NEURL1: variants seen among roughly 807,000 people sequenced by gnomAD.
NEURL1 encodes neuralized E3 ubiquitin protein ligase 1.
NEURL1 carries 26 observed loss-of-function variants against 41.2 expected under a neutral mutation model. The observed-to-expected ratio is 0.63, with a 90% CI of 0.46 to 0.87. The LOEUF (loss-of-function observed/expected upper bound fraction) is 0.87. NEURL1 is among the 40% of genes least tolerant of loss of function. NEURL1 has a pLI of 0.00. For synonymous variants in NEURL1, 400 were observed against 402.3 expected (o/e 0.99, Z 0.07); for missense variants, 761 against 871.1 (o/e 0.87, Z 1.59).
intron 1 of NEURL1, among the ~76,000 whole-genome samples, chr10:103,534,351 C>T (rs530167349): frequency 6.6e-6 from 1 of 152,286 alleles, no homozygotes; most frequent in South Asian, 2.1e-4. Context: ...CACATCCTCA[C>T]ATTGATGTCT....
rs577341103 is a variant in NEURL1 at position 103,533,092 on chromosome 10, A to AT, written c.86-37772dup. 3.0e-4 allele frequency among the ~76,000 whole-genome samples: 45 copies of AT among 150,128 alleles called. No homozygotes were observed. In the East Asian group the frequency reaches 3.8e-3, roughly 13 times the overall value. On this transcript the variant is annotated intron_variant, in intron 1 of 5. Coordinates refer to ENST00000369780, the MANE Select transcript of NEURL1 (RefSeq NM_004210.5). ...CAGGCACCCACCACCATGCCTGGCT[A>AT]TTTTTTTTGTATTTTTAGTAGAGAC...
chr10:103,548,193 C>T (rs1253304610), intron 1 of NEURL1, among the ~76,000 whole-genome samples: 1 of 152,214 alleles, frequency 6.6e-6, no homozygotes, highest in Non-Finnish European at 1.5e-5. Flanking sequence ...TCTGAAATGG[C>T]ATTTGCATGT....
chr10:103,590,021 A>G lies in NEURL1; in HGVS notation c.1487-113A>G, dbSNP rs559363095. The stretch of plus-strand genomic sequence containing the variant: ...TGGAAGTTGGGTTGTCAGGGTGAAC[A>G]GGCAGATCCTGATAAATGGAGGGGG... On this transcript the variant is annotated intron_variant, in intron 5 of 5. Transcript: ENST00000369780. 1,586 of 1,089,514 alleles carry G rather than the reference A, an allele frequency of 1.5e-3. 5 individuals are homozygous for G. The highest frequency in any genetic ancestry group is 1.9e-3 in the Non-Finnish European group (1,420 of 735,776). 67.5% of individuals were successfully genotyped at this position (1,089,514 alleles called of 1,614,324 possible).
intron 1 of NEURL1, among the ~76,000 whole-genome samples, chr10:103,528,003 T>A (rs940245739): frequency 6.6e-6 from 1 of 152,144 alleles, no homozygotes; most frequent in African/African-American, 2.4e-5. Flanking sequence ...ACCAATCATC[T>A]CAGGTCAGGA....
intron 1 of NEURL1, among the ~76,000 whole-genome samples, chr10:103,525,031 G>A (rs1034691687): frequency 6.6e-6 from 1 of 152,088 alleles, no homozygotes; most frequent in Non-Finnish European, 1.5e-5. Flanking sequence ...GGGTGGTATG[G>A]TAATGTTCAC....
intron 1 of NEURL1, among the ~76,000 whole-genome samples, chr10:103,526,064 G>A (rs146680058): frequency 6.6e-6 from 1 of 152,232 alleles, no homozygotes; most frequent in African/African-American, 2.4e-5. Flanking sequence ...ACTTGTGTAT[G>A]TTGTATCCCT....
rs1766041109 is a variant in NEURL1, at chr10:103,566,691, A to G, written c.86-4181A>G. 1.3e-5 allele frequency among the ~76,000 whole-genome samples: 2 copies of G among 152,118 alleles called. No individual in the cohort carries two copies. Among genetic ancestry groups the G allele is most frequent in the African/African-American group, 2.4e-5 (1 of 41,390 alleles). On this transcript the variant is annotated intron_variant, in intron 1 of 5. Transcript: ENST00000369780. This position sits in a 1 kb window ranked among gnomAD's most constrained non-coding sequence, Gnocchi z 4.2. ...CAGGTCATTGTGTGGACATGTTTTCATTTCTTGTGGGGAAATGCCTGGAAG... is the reference window on the plus strand; with the variant it reads ...CAGGTCATTGTGTGGACATGTTTTCGTTTCTTGTGGGGAAATGCCTGGAAG...
intron 1 of NEURL1, among the ~76,000 whole-genome samples, chr10:103,525,102 A>AT (rs1222266060): frequency 1.3e-5 from 2 of 151,718 alleles, no homozygotes; most frequent in African/African-American, 4.8e-5. Flanking sequence ...GTCCTCTTCA[A>AT]TTTTTTTCAT....
intron 1 of NEURL1, among the ~76,000 whole-genome samples, chr10:103,535,714 G>C (rs1348311483): frequency 1.3e-5 from 2 of 152,134 alleles, no homozygotes; most frequent in Admixed American, 1.3e-4. Flanking sequence ...TGGCCCAAGG[G>C]GGCAGAAGGA....
chr10:103,499,699 A>C (rs2033775416), intron 1 of NEURL1, among the ~76,000 whole-genome samples: 1 of 151,620 alleles, frequency 6.6e-6, no homozygotes. Flanking sequence ...GAACTCCTGG[A>C]CTCAAGCAGA....
intron 3 of NEURL1, among the ~76,000 whole-genome samples, chr10:103,573,370 C>T (rs12360357): frequency 0.17 from 25,771 of 152,044 alleles, 2,517 homozygotes; most frequent in South Asian, 0.26. Context: ...ATCCTAGCCT[C>T]ACGCTGTACT....
rs2035859232 is a variant in NEURL1 at position 103,584,648 on chromosome 10, C to T, written c.762C>T (p.Asp254=). 3.5e-6 allele frequency: 5 copies of T among 1,427,808 alleles called. No homozygotes were observed. Among genetic ancestry groups the T allele is most frequent in the Middle Eastern group, 1.9e-4 (1 of 5,352 alleles). 88.4% of individuals were successfully genotyped at this position (1,427,808 alleles called of 1,614,324 possible). A position where few individuals can be genotyped will look rare whatever the true frequency, so the allele number is the denominator to read the frequency against. Reference sequence around the variant, plus strand: ...CGCGCCTCTCGGTGAGCCTATGCGACCTCAACGTGCCGGGCGCGGACGGCG... The same window carrying T: ...CGCGCCTCTCGGTGAGCCTATGCGATCTCAACGTGCCGGGCGCGGACGGCG... The part of the protein sequence containing the change: ...DDARLSVSLC[D]LNVPGADGDE... The change falls in exon 4 of 6, where the codon GAC becomes GAT. Residue 254 remains aspartate, a synonymous_variant. Coordinates refer to ENST00000369780, the MANE Select transcript of NEURL1 (RefSeq NM_004210.5).
intron 1 of NEURL1, among the ~76,000 whole-genome samples, chr10:103,559,929 A>G (rs544974228): frequency 6.7e-6 from 1 of 150,014 alleles, no homozygotes; most frequent in Admixed American, 6.6e-5. Context: ...GCACACACAT[A>G]TTACACACAT....
intron 1 of NEURL1, among the ~76,000 whole-genome samples, chr10:103,510,418 G>C (rs1290906501): frequency 6.6e-6 from 1 of 152,202 alleles, no homozygotes; most frequent in Non-Finnish European, 1.5e-5. Context: ...GGATCTTAAC[G>C]TGTGCTGAGC....
At chr10:103,588,033 G>A (rs1196532227) in intron 4 of NEURL1, among the ~76,000 whole-genome samples, 4 of 152,064 alleles carry the variant, frequency 2.6e-5, no homozygotes, top group East Asian at 3.9e-4. Flanking sequence ...GGCTGGGCGC[G>A]GCGGCTCACA....
chr10:103,511,581 G>A (rs2034072935), intron 1 of NEURL1, among the ~76,000 whole-genome samples: 1 of 152,228 alleles, frequency 6.6e-6, no homozygotes, highest in Non-Finnish European at 1.5e-5. Context: ...TTGAGGTAAT[G>A]CTTGACTAGT....
intron 1 of NEURL1, among the ~76,000 whole-genome samples, chr10:103,559,224 A>G (rs1158228267): frequency 6.6e-6 from 1 of 152,182 alleles, no homozygotes; most frequent in African/African-American, 2.4e-5. Context: ...TCCCGGCAGC[A>G]GCTCTGGGGG....
chr10:103,565,498 G>C (rs771961823), intron 1 of NEURL1, among the ~76,000 whole-genome samples: 4 of 152,172 alleles, frequency 2.6e-5, no homozygotes, highest in Non-Finnish European at 5.9e-5. Context: ...AGGGTGACAG[G>C]CCCAACTAAG....
intron 1 of NEURL1, among the ~76,000 whole-genome samples, chr10:103,505,706 A>G (rs1165455212): frequency 6.8e-6 from 1 of 148,098 alleles, no homozygotes; most frequent in African/African-American, 2.4e-5. Context: ...TAGACGGGGC[A>G]GTACTACCCC....
Sources: allele counts gnomAD v4.1 joint callset (sites outside exome capture counted in the v4.1 genomes callset), GRCh38; gene constraint gnomAD v4.1.1; non-coding constraint Gnocchi (gnomAD v3.1); transcripts MANE v1.5; gene names NCBI Gene and HGNC (gene_info 2026-07-23, HGNC 2026-07-21).